OLFML3: variants seen among roughly 807,000 people sequenced by gnomAD.
OLFML3 encodes the protein olfactomedin-like protein 3.
In OLFML3, 26 loss-of-function variants were observed where a neutral mutation model predicts 36.0. The observed-to-expected ratio is 0.72, with a 90% confidence interval of 0.53 to 1.00. The LOEUF (loss-of-function observed/expected upper bound fraction) is 1.00. Among genes scored for constraint, OLFML3 ranks in the 50% least tolerant of loss-of-function variants. The pLI, the probability that OLFML3 is intolerant of heterozygous loss-of-function variation, is 0.00. For synonymous variants in OLFML3, 184 were observed against 201.2 expected (o/e 0.91, Z 0.72); for missense variants, 503 against 519.4 (o/e 0.97, Z 0.31).
At position 113,981,222 on chromosome 1, in the gene OLFML3, C is replaced by T; in HGVS notation, c.674C>T (p.Pro225Leu). The change falls in exon 3 of 3, where the codon CCT becomes CTT. Residue 225 changes from proline to leucine, a missense_variant. By Grantham distance (98) the Pro-to-Leu change is moderately conservative. Coordinates refer to ENST00000320334, the MANE Select transcript of OLFML3 (RefSeq NM_020190.5). ...GGCTTTCTTTATTTTGCTCGGAGGC[C>T]TCCTGGAAGACCTGGTGGAGGTGGT... ...YGGFLYFARR[P>L]PGRPGGGGEM... 6.2e-7 allele frequency: 1 copy of T among 1,614,000 alleles called. No individual in the cohort carries two copies. The highest frequency in any genetic ancestry group is 8.5e-7 in the Non-Finnish European group (1 of 1,179,934).
At chr1:113,980,711 T>C (rs1461871381) in intron 2 of OLFML3, 94 bp downstream of exon 2, 17 of 1,349,294 alleles carry the variant, frequency 1.3e-5, no homozygotes, top group South Asian at 9.5e-5. Flanking sequence ...TCCCAGTCCA[T>C]TGTGGCTCTG....
chr1:113,982,088 G>A lies in OLFML3; in HGVS notation c.*319G>A. 2 of 381,232 alleles carry A rather than the reference G, an allele frequency of 5.2e-6. No individual in the cohort carries two copies. Among genetic ancestry groups the A allele is most frequent in the Non-Finnish European group, 9.7e-6 (2 of 205,328 alleles). 23.6% of individuals were successfully genotyped at this position (381,232 alleles called of 1,614,324 possible). On this transcript the variant is annotated 3_prime_UTR_variant, in exon 3 of 3. Coordinates refer to ENST00000320334, the MANE Select transcript of OLFML3 (RefSeq NM_020190.5). ...GTATGCGGGCAGGCCCAGGGAGCAGGCAGCAGTGTTCTTCCCCTCAGAGTG... is the reference window on the plus strand; with the variant it reads ...GTATGCGGGCAGGCCCAGGGAGCAGACAGCAGTGTTCTTCCCCTCAGAGTG...
chr1:113,979,724 G>T, intron 1 of OLFML3, 94 bp downstream of exon 1: 1 of 984,680 alleles, frequency 1.0e-6, no homozygotes, highest in Non-Finnish European at 1.6e-6. Context: ...AACAAGAAAG[G>T]GCTCTGTTAG....
chr1:113,979,726 C>T lies in OLFML3; in HGVS notation c.114+96C>T, dbSNP rs139504499. ...GGGATCTGGGGATAACAAGAAAGGG[C>T]TCTGTTAGAGTCTACAGAAAATTCT... On this transcript the variant is annotated intron_variant, in intron 1 of 2. Transcript: ENST00000320334. The T allele has an allele frequency of 6.2e-5, 61 of 977,208 alleles. No homozygotes were observed. The East Asian group carries it at 1.5e-3, about 24-fold the overall frequency. The allele number at this position is 977,208 out of a possible 1,614,324, so 60.5% of individuals were successfully genotyped here.
At chr1:113,979,733 A>G (rs1673335438) in intron 1 of OLFML3, 103 bp downstream of exon 1, 1 of 903,788 alleles carries the variant, frequency 1.1e-6, no homozygotes, top group African/African-American at 1.7e-5. Flanking sequence ...GGGCTCTGTT[A>G]GAGTCTACAG....
chr1:113,981,543 A>T lies in OLFML3; in HGVS notation c.995A>T (p.Tyr332Phe). The T allele has an allele frequency of 6.2e-7, 1 of 1,614,054 alleles. No homozygotes were observed. The highest frequency in any genetic ancestry group is 8.5e-7 in the Non-Finnish European group (1 of 1,180,018). ...GCCTTTGTCATCTGTGGGACCCTCT[A>T]TGTCGTCTATAACACCCGTCCTGCC... ...EAAFVICGTL[Y>F]VVYNTRPASR... Residue 332 changes from tyrosine to phenylalanine, a missense_variant, in exon 3 of 3, where the codon TAT becomes TTT. Tyr to Phe is a conservative substitution (Grantham distance 22). Transcript: ENST00000320334.
rs199724687 is a variant in OLFML3 at position 113,981,342 on chromosome 1, C to A, written c.794C>A (p.Pro265His). 2.8e-5 allele frequency: 45 copies of A among 1,601,572 alleles called. No homozygotes were observed. Among genetic ancestry groups the A allele is most frequent in the Non-Finnish European group, 3.4e-5 (40 of 1,173,450 alleles). ...TTCCCAGCAGAGGGGCTGATCCCCC[C>A]CTACGGCTTGACAGCAGACACCTAC... ...SVFPAEGLIPPYGLTADTYID... is the reference protein window; with the variant it reads ...SVFPAEGLIPHYGLTADTYID... Residue 265 changes from proline to histidine, a missense_variant, in exon 3 of 3, where the codon CCC becomes CAC. Pro to His is a moderately conservative substitution (Grantham distance 77, BLOSUM62 -2). Transcript: ENST00000320334.
rs779131754 is a variant in OLFML3, at chr1:113,980,341, G to A, written c.124G>A (p.Ala42Thr). Residue 42 changes from alanine to threonine, a missense_variant, in exon 2 of 3, where the codon GCC (alanine) becomes ACC (threonine). By Grantham distance (58) the Ala-to-Thr change is moderately conservative. Coordinates refer to ENST00000320334, the MANE Select transcript of OLFML3 (RefSeq NM_020190.5). Reference protein sequence around the residue: ...RRLAALEERLAQCQDQSSRHA... With the variant: ...RRLAALEERLTQCQDQSSRHA... ...TCCCCCATCCCTTCAGGAACGGCTG[G>A]CCCAGTGCCAGGACCAGAGTAGTCG... 6.4e-7 allele frequency: 1 copy of A among 1,555,918 alleles called. No individual in the cohort carries two copies. The highest frequency in any genetic ancestry group is 1.9e-5 in the Admixed American group (1 of 53,532).
Position 113,981,657 on chromosome 1 carries a change from G to T in OLFML3, c.1109G>T (p.Gly370Val), listed in dbSNP as rs1334725831. ...AALPYFPRRY[G>V]AHASLRYNPR... The stretch of plus-strand genomic sequence containing the variant: ...CTCCCTTATTTTCCCCGCAGATATG[G>T]TGCCCATGCCAGCCTCCGCTATAAC... Residue 370 changes from glycine (G) to valine (V), a missense_variant, in exon 3 of 3, where the codon GGT becomes GTT. Physicochemically the swap from Gly to Val is moderately radical, Grantham distance 109. Coordinates refer to ENST00000320334, the MANE Select transcript of OLFML3 (RefSeq NM_020190.5). 7 of 1,613,886 alleles carry T rather than the reference G, an allele frequency of 4.3e-6. No individual in the cohort carries two copies. In the Admixed American group the frequency reaches 6.7e-5, roughly 15 times the overall value.
chr1:113,981,234 C>T lies in OLFML3; in HGVS notation c.686C>T (p.Pro229Leu), dbSNP rs755586790. The stretch of plus-strand genomic sequence containing the variant: ...TTTGCTCGGAGGCCTCCTGGAAGAC[C>T]TGGTGGAGGTGGTGAGATGGAGAAC... ...LYFARRPPGRPGGGGEMENTL... is the reference protein window; with the variant it reads ...LYFARRPPGRLGGGGEMENTL... Residue 229 changes from proline (P) to leucine (L), a missense_variant, in exon 3 of 3, where the codon CCT (proline) becomes CTT (leucine). By Grantham distance (98) the Pro-to-Leu change is moderately conservative (BLOSUM62 -3). Coordinates refer to ENST00000320334, the MANE Select transcript of OLFML3 (RefSeq NM_020190.5). 2.5e-6 allele frequency: 4 copies of T among 1,613,752 alleles called. No individual in the cohort carries two copies. The highest frequency in any genetic ancestry group is 1.7e-5 in the Admixed American group (1 of 59,970).
rs1673438728 is a variant in OLFML3 at position 113,982,171 on chromosome 1, T to C, written c.*402T>C. Reference sequence around the variant, plus strand: ...AGCTCTGTCCTCTCTTCCTCACTCCTCCCTTCAGTGTCCTGAGGAACAGGA... The same window carrying C: ...AGCTCTGTCCTCTCTTCCTCACTCCCCCCTTCAGTGTCCTGAGGAACAGGA... On this transcript the variant is annotated 3_prime_UTR_variant, in exon 3 of 3. Transcript: ENST00000320334. The C allele has an allele frequency of 1.2e-5, 3 of 252,924 alleles. No individual in the cohort carries two copies. The East Asian group carries it at 3.5e-4, about 30-fold the overall frequency. The allele number at this position is 252,924 out of a possible 1,614,324, so 15.7% of individuals were successfully genotyped here.
rs775272671 is a variant in OLFML3, at chr1:113,980,483, G to A, written c.266G>A (p.Arg89His). 2.8e-5 allele frequency: 46 copies of A among 1,614,088 alleles called. No homozygotes were observed. Among genetic ancestry groups the A allele is most frequent in the Middle Eastern group, 1.6e-4 (1 of 6,062 alleles). The change falls in exon 2 of 3, where the codon CGT becomes CAT. Residue 89 changes from arginine to histidine, a missense_variant. By Grantham distance (29) the Arg-to-His change is conservative. Coordinates refer to ENST00000320334, the MANE Select transcript of OLFML3 (RefSeq NM_020190.5). Reference sequence around the variant, plus strand: ...GACACCATCTCCGGGAGAGTGGATCGTCTGGAGCGGGAGGTAGACTATCTG... The same window carrying A: ...GACACCATCTCCGGGAGAGTGGATCATCTGGAGCGGGAGGTAGACTATCTG... ...EADTISGRVD[R>H]LEREVDYLET...
chr1:113,982,084 G>T lies in OLFML3; in HGVS notation c.*315G>T. The T allele has an allele frequency of 2.6e-6, 1 of 383,542 alleles. No individual in the cohort carries two copies. The highest frequency in any genetic ancestry group is 4.8e-6 in the Non-Finnish European group (1 of 206,592). 23.8% of individuals were successfully genotyped at this position (383,542 alleles called of 1,614,324 possible). On this transcript the variant is annotated 3_prime_UTR_variant, in exon 3 of 3. Coordinates refer to ENST00000320334, the MANE Select transcript of OLFML3 (RefSeq NM_020190.5). ...CCTTGTATGCGGGCAGGCCCAGGGA[G>T]CAGGCAGCAGTGTTCTTCCCCTCAG...
At chr1:113,980,302 A>G in intron 1 of OLFML3, 30 bp from the exon 2 acceptor site, 1 of 1,529,036 alleles carries the variant, frequency 6.5e-7, no homozygotes, top group Non-Finnish European at 8.8e-7. Context: ...GTAACCCTGC[A>G]GCCTCCCTCC....
Position 113,979,588 on chromosome 1 carries a change from C to A in OLFML3, c.72C>A (p.His24Gln), listed in dbSNP as rs1398109581. 1 of 1,614,114 alleles carries A rather than the reference C, an allele frequency of 6.2e-7. No individual in the cohort carries two copies. The highest frequency in any genetic ancestry group is 8.5e-7 in the Non-Finnish European group (1 of 1,179,970). ...CGGGACCCCTCCAAGGACAGCAGCA[C>A]CACCTTGTGGAGTACATGGAACGCC... ...SWSGPLQGQQ[H>Q]HLVEYMERRL... The change falls in exon 1 of 3, where the codon CAC becomes CAA. Residue 24 changes from histidine to glutamine, a missense_variant. Transcript: ENST00000320334.
chr1:113,980,318 C>A lies in OLFML3; in HGVS notation c.115-14C>A, dbSNP rs1442959679. ...TAACCCTGCAGCCTCCCTCCTGATCCCCCATCCCTTCAGGAACGGCTGGCC... is the reference window on the plus strand; with the variant it reads ...TAACCCTGCAGCCTCCCTCCTGATCACCCATCCCTTCAGGAACGGCTGGCC... On this transcript the variant is annotated splice_polypyrimidine_tract_variant and intron_variant, in intron 1 of 2. Transcript: ENST00000320334. 1.0e-5 allele frequency: 16 copies of A among 1,538,010 alleles called. No homozygotes were observed. The highest frequency in any genetic ancestry group is 1.4e-5 in the African/African-American group (1 of 72,732).
In OLFML3 at chr1:113,980,570, G is replaced by A; in HGVS notation, c.353G>A (p.Gly118Glu). The A allele has an allele frequency of 6.2e-7, 1 of 1,611,670 alleles. No homozygotes were observed. The highest frequency in any genetic ancestry group is 2.2e-5 in the East Asian group (1 of 44,858). The change falls in exon 2 of 3, where the codon GGG becomes GAG. Residue 118 changes from glycine to glutamate, a missense_variant. Transcript: ENST00000320334. ...EFDEKVTGGP[G>E]TKGKGRRNEK... Reference sequence around the variant, plus strand: ...GATGAGAAGGTGACTGGAGGCCCTGGGACCAAAGGCAAGGGAAGAAGGAAT... The same window carrying A: ...GATGAGAAGGTGACTGGAGGCCCTGAGACCAAAGGCAAGGGAAGAAGGAAT...
intron 2 of OLFML3, 77 bp downstream of exon 2, chr1:113,980,694 CG>C: frequency 7.0e-7 from 1 of 1,427,802 alleles, no homozygotes. Flanking sequence ...CTCTTTTTTT[CG>C]CTTTGTCCCA....
chr1:113,980,009 T>C, intron 1 of OLFML3: 1 of 1,487,792 alleles, frequency 6.7e-7, no homozygotes, highest in Non-Finnish European at 9.0e-7. Flanking sequence ...TCCGAGAGGA[T>C]AATTGCTAAG....
Sources: allele counts gnomAD v4.1 joint callset, GRCh38; gene constraint gnomAD v4.1.1; transcripts MANE v1.5; gene names NCBI Gene and HGNC (gene_info 2026-07-23, HGNC 2026-07-21).